The following NVL variants were observed in gnomAD, a reference collection of about 807,000 sequenced individuals.
The protein encoded by NVL is nuclear valosin-containing protein-like.
In NVL, 84 loss-of-function variants were observed where a neutral mutation model predicts 110.2. The observed-to-expected ratio is 0.76, with a 90% CI of 0.64 to 0.91. The LOEUF (loss-of-function observed/expected upper bound fraction) is 0.91. Among genes scored for constraint, NVL ranks in the 40% least tolerant of loss-of-function variants. The pLI, the probability that NVL is intolerant of heterozygous loss-of-function variation, is 0.00. For synonymous variants in NVL, 354 were observed against 361.1 expected, an observed-to-expected ratio of 0.98 and a Z score of 0.22; for missense variants, 882 against 1,035.9, an observed-to-expected ratio of 0.85 and a Z score of 2.04.
At chr1:224,324,235 G>A (rs1179904232) in intron 2 of NVL, among the ~76,000 whole-genome samples, 5 of 152,086 alleles carry the variant, frequency 3.3e-5, no homozygotes, top group Non-Finnish European at 5.9e-5. Context: ...CAAATATGAT[G>A]TAATAATCTT....
At position 224,329,941 on chromosome 1, in the gene NVL, C is replaced by T. The variant is rs374832178; in HGVS notation, c.57+130G>A. 2.5e-4 allele frequency: 221 copies of T among 883,482 alleles called. 2 individuals are homozygous for T. The highest frequency in any genetic ancestry group is 2.2e-3 in the South Asian group (145 of 64,452). 54.7% of individuals were successfully genotyped at this position (883,482 alleles called of 1,614,324 possible). On this transcript the variant is annotated intron_variant, in intron 1 of 22. Coordinates refer to ENST00000281701, the MANE Select transcript of NVL (RefSeq NM_002533.4). ...AGCACCAACTAAGGAGAAACAGACG[C>T]ACGCCCAGACCCAGACTGGGGAAAG...
At chr1:224,235,583 T>A (rs576466072) in intron 20 of NVL, among the ~76,000 whole-genome samples, 273 of 152,022 alleles carry the variant, frequency 1.8e-3, no homozygotes, top group African/African-American at 6.2e-3. Context: ...TGCCTGAGAC[T>A]CTGATCAGTT....
rs777496944 is a variant in NVL, at chr1:224,256,955, AAACC to A, written c.2183-6641_2183-6638del. The A allele has an allele frequency of 6.5e-6, 3 of 464,060 alleles. No homozygotes were observed. In the Admixed American group the frequency reaches 7.8e-5, roughly 12 times the overall value. 28.7% of individuals were successfully genotyped at this position (464,060 alleles called of 1,614,324 possible). A position where few individuals can be genotyped will look rare whatever the true frequency, so the allele number is the denominator to read the frequency against. On this transcript the variant is annotated intron_variant, in intron 18 of 22. Coordinates refer to ENST00000281701, the MANE Select transcript of NVL (RefSeq NM_002533.4). ...TACATCCACAGCTATCACCCGGCTCAAACCACCACCACCTTGCACCTGCATTATT... is the reference window on the plus strand; with the variant it reads ...TACATCCACAGCTATCACCCGGCTCAACCACCACCTTGCACCTGCATTATT...
Position 224,326,446 on chromosome 1 carries a change from A to T in NVL, c.76T>A (p.Cys26Ser). 6.2e-7 allele frequency: 1 copy of T among 1,611,874 alleles called. No homozygotes were observed. The highest frequency in any genetic ancestry group is 8.5e-7 in the Non-Finnish European group (1 of 1,178,374). ...RVIQYLTSNK[C>S]GKYVDIGVLA... ...ACTCCAATGTCCACATATTTGCCAC[A>T]TTTGTTACTGGTAAGGTACTAAAAC... Residue 26 changes from cysteine (C) to serine (S), a missense_variant, in exon 2 of 23, where the codon TGT (cysteine) becomes AGT (serine). Transcript: ENST00000281701.
chr1:224,257,530 G>C (rs1663425729), intron 18 of NVL, among the ~76,000 whole-genome samples: 1 of 151,654 alleles, frequency 6.6e-6, no homozygotes, highest in East Asian at 1.9e-4. Context: ...TTGTTTGTTT[G>C]TTTGTTTCTT....
At chr1:224,256,949 C>G in intron 18 of NVL, 1 of 458,570 alleles carries the variant, frequency 2.2e-6, no homozygotes, top group Admixed American at 2.7e-5. Flanking sequence ...AGCTATCACC[C>G]GGCTCAAACC....
intron 9 of NVL, among the ~76,000 whole-genome samples, chr1:224,301,320 G>A (rs1668386299): frequency 6.6e-6 from 1 of 151,940 alleles, no homozygotes; most frequent in Admixed American, 6.6e-5. Context: ...GCCCAGGCTG[G>A]TCCCAAACTC....
intron 4 of NVL, chr1:224,313,113 T>C: frequency 2.6e-6 from 1 of 377,530 alleles, no homozygotes; most frequent in South Asian, 1.9e-5. Context: ...AAGCCATGAT[T>C]GTGCCAGTGC....
At chr1:224,258,075 T>G (rs1663499055) in intron 18 of NVL, among the ~76,000 whole-genome samples, 1 of 152,128 alleles carries the variant, frequency 6.6e-6, no homozygotes, top group African/African-American at 2.4e-5. Context: ...TTATCAAAAT[T>G]AAAAACTTGT....
At chr1:224,236,638 C>G in intron 19 of NVL, 56 bp from the exon 20 acceptor site, 2 of 1,411,324 alleles carry the variant, frequency 1.4e-6, no homozygotes, top group Non-Finnish European at 2.0e-6. Flanking sequence ...ATGCCGGGTG[C>G]GATGGCTCAT....
In NVL at chr1:224,229,473, C is replaced by T. The variant is rs189458664; in HGVS notation, c.2526+1753G>A. Among the ~76,000 whole-genome samples, 430 of 151,662 alleles carry T rather than the reference C, an allele frequency of 2.8e-3. 2 individuals are homozygous for T. Among genetic ancestry groups the T allele is most frequent in the African/African-American group, 8.6e-3 (354 of 41,316 alleles). ...TTTTTGAGACGGAGTCTCAATCTGT[C>T]GCCCAGGCTGGAGTGCAGTGGTGCA... On this transcript the variant is annotated intron_variant, in intron 22 of 22. Coordinates refer to ENST00000281701, the MANE Select transcript of NVL (RefSeq NM_002533.4).
At chr1:224,257,022 C>G in intron 18 of NVL, 1 of 520,324 alleles carries the variant, frequency 1.9e-6, no homozygotes, top group South Asian at 1.4e-5. Flanking sequence ...CTAATTATGT[C>G]AGAGACAGAA....
intron 2 of NVL, among the ~76,000 whole-genome samples, chr1:224,321,220 G>A (rs991280034): frequency 6.6e-6 from 1 of 152,140 alleles, no homozygotes; most frequent in African/African-American, 2.4e-5. Context: ...ACTCCAACCT[G>A]GATGATAGAG....
At chr1:224,313,405 T>G (rs16846494) in intron 4 of NVL, among the ~76,000 whole-genome samples, 9,027 of 151,210 alleles carry the variant, frequency 0.06, 844 homozygotes, top group African/African-American at 0.2. Context: ...GTGAGAGAGG[T>G]CTTTCTAAGC....
intron 5 of NVL, among the ~76,000 whole-genome samples, chr1:224,308,587 A>C (rs141689559): frequency 0.1 from 15,352 of 151,378 alleles, 777 homozygotes; most frequent in Middle Eastern, 0.15. Flanking sequence ...GCTACTTGGG[A>C]GGCTGAGGCA....
chr1:224,280,169 GT>G (rs1225902326), intron 16 of NVL, among the ~76,000 whole-genome samples: 56 of 131,002 alleles, frequency 4.3e-4, no homozygotes, highest in Non-Finnish European at 1.9e-4. Context: ...GTGTACTGCT[GT>G]TTTTTTTTGT....
In NVL at chr1:224,330,082, G is replaced by A. The variant is rs749185581; in HGVS notation, c.46C>T (p.Arg16Ter). Reference protein sequence around the residue: ...AGFVDNKLKQRVIQYLTSNKC... With the variant: ...AGFVDNKLKQ Reference sequence around the variant, plus strand: ...TGCAGAATACACACCTGGATGACTCGCTGCTTGAGTTTATTATCCACGAAC... The same window carrying A: ...TGCAGAATACACACCTGGATGACTCACTGCTTGAGTTTATTATCCACGAAC... Residue 16 changes from arginine to a stop codon, truncating the protein, a stop_gained, in exon 1 of 23, where the codon CGA (arginine) becomes TGA (stop). Transcript: ENST00000281701. LOFTEE classifies it high-confidence loss of function. The A allele has an allele frequency of 5.0e-6, 8 of 1,614,092 alleles. No homozygotes were observed. Among genetic ancestry groups the A allele is most frequent in the Non-Finnish European group, 6.8e-6 (8 of 1,180,000 alleles).
At chr1:224,295,682 TAA>T (rs942118942) in intron 11 of NVL, among the ~76,000 whole-genome samples, 4 of 139,256 alleles carry the variant, frequency 2.9e-5, no homozygotes, top group Admixed American at 7.2e-5. Context: ...AGACCGTCTT[TAA>T]AAAAAAAAAA....
chr1:224,266,860 C>T (rs895445912), intron 18 of NVL, among the ~76,000 whole-genome samples: 1 of 152,210 alleles, frequency 6.6e-6, no homozygotes, highest in Admixed American at 6.5e-5. Flanking sequence ...ACATTACCAA[C>T]ATCATTTAAC....
Sources: gnomAD v4.1 joint callset for allele counts (sites outside exome capture counted in the v4.1 genomes callset) on GRCh38, gnomAD v4.1.1 for gene constraint, MANE v1.5 for transcripts, NCBI Gene and HGNC (gene_info 2026-07-23, HGNC 2026-07-21) for gene names.